The following SPICE1 variants were observed in gnomAD, a reference collection of about 807,000 sequenced individuals.
SPICE1 encodes spindle and centriole associated protein 1.
In SPICE1, 75 loss-of-function variants were observed where a neutral mutation model predicts 102.7. That is an observed-to-expected ratio of 0.73 (90% CI 0.61 to 0.88). The LOEUF (loss-of-function observed/expected upper bound fraction) is 0.88. SPICE1 is among the 40% of genes least tolerant of loss of function. The pLI, the probability that SPICE1 is intolerant of heterozygous loss-of-function variation, is 0.00. For synonymous variants in SPICE1, 308 were observed against 350.3 expected (o/e 0.88, Z 1.35); for missense variants, 979 against 1,020.1 (o/e 0.96, Z 0.55).
At chr3:113,485,823 G>C (rs1936633795) in intron 7 of SPICE1, among the ~76,000 whole-genome samples, 1 of 152,144 alleles carries the variant, frequency 6.6e-6, no homozygotes, top group Non-Finnish European at 1.5e-5. Flanking sequence ...CCATAAAAAG[G>C]AATTAAATCA....
At chr3:113,459,586 T>C (rs1935877775) in intron 12 of SPICE1, 1 of 985,224 alleles carries the variant, frequency 1.0e-6, no homozygotes, top group Non-Finnish European at 1.2e-6. Context: ...TTGACTGAGA[T>C]ATTAATAGCA....
chr3:113,476,354 A>C (rs1368608088), intron 7 of SPICE1, among the ~76,000 whole-genome samples: 1 of 151,464 alleles, frequency 6.6e-6, no homozygotes, highest in Non-Finnish European at 1.5e-5. Flanking sequence ...AAATGGCCAT[A>C]CTGCCCAAGG....
intron 7 of SPICE1, among the ~76,000 whole-genome samples, chr3:113,473,564 A>C (rs1237302193): frequency 4.6e-5 from 7 of 152,326 alleles, no homozygotes; most frequent in South Asian, 2.1e-4. Flanking sequence ...CAAAGGGAAG[A>C]CCATCAGACT....
At chr3:113,467,628 A>C (rs1936091485) in intron 10 of SPICE1, among the ~76,000 whole-genome samples, 1 of 152,166 alleles carries the variant, frequency 6.6e-6, no homozygotes, top group African/African-American at 2.4e-5. Context: ...TTATTTTATA[A>C]ATTATTTTTA....
rs1383888780 is a variant in SPICE1, at chr3:113,453,502, C to T, written c.2106G>A (p.Glu702=). Residue 702 remains glutamate (E), a synonymous_variant, in exon 14 of 18, where the codon GAG becomes GAA. Transcript: ENST00000295872. ...CACTTGCACTTTCTTGTTTGTTCAA[C>T]TCCCGGAGTCCATCCCCTTGCTCTC... is the stretch of plus-strand genomic sequence containing the variant. The part of the protein sequence containing the change: ...PRGEQGDGLR[E]LNKQESASDM... 6.2e-7 allele frequency: 1 copy of T among 1,611,824 alleles called. No homozygotes were observed. Among genetic ancestry groups the T allele is most frequent in the South Asian group, 1.1e-5 (1 of 90,846 alleles).
At chr3:113,446,276 A>T (rs1180432021) in intron 17 of SPICE1, among the ~76,000 whole-genome samples, 1 of 152,154 alleles carries the variant, frequency 6.6e-6, no homozygotes, top group Non-Finnish European at 1.5e-5. Context: ...CAGTAGATCT[A>T]CAACCCATTC....
intron 12 of SPICE1, chr3:113,459,885 A>G: frequency 1.0e-6 from 1 of 983,952 alleles, no homozygotes; most frequent in Non-Finnish European, 1.2e-6. Context: ...CCATCTCAAA[A>G]AGAAAAAAAA....
In SPICE1 at chr3:113,453,598, T is replaced by C. The variant is rs149676908; in HGVS notation, c.2010A>G (p.Thr670=). ...ESLIQRKDIM[T]RIADLTLQNS... ...TCTGCAATGTCAAATCAGCAATTCG[T>C]GTCATTATGTCCTTTCTTTGTATTA... The change falls in exon 14 of 18, where the codon ACA becomes ACG. Residue 670 remains threonine (T), a synonymous_variant. Coordinates refer to ENST00000295872, the MANE Select transcript of SPICE1 (RefSeq NM_144718.4). 2.2e-5 allele frequency: 36 copies of C among 1,614,226 alleles called. No homozygotes were observed. In the African/African-American group the frequency reaches 3.7e-4, roughly 17 times the overall value.
intron 7 of SPICE1, among the ~76,000 whole-genome samples, chr3:113,476,888 G>A (rs1024510790): frequency 6.6e-6 from 1 of 152,066 alleles, no homozygotes; most frequent in Non-Finnish European, 1.5e-5. Flanking sequence ...AGGACTTCAT[G>A]TCTAAAACAC....
intron 12 of SPICE1, chr3:113,460,405 T>G: frequency 1.6e-5 from 15 of 951,894 alleles, no homozygotes; most frequent in Non-Finnish European, 1.9e-5. Context: ...ATGACACGAA[T>G]TGAAATTATG....
chr3:113,459,933 T>A, intron 12 of SPICE1: 1 of 984,650 alleles, frequency 1.0e-6, no homozygotes, highest in Non-Finnish European at 1.2e-6. Flanking sequence ...GACAGAGATG[T>A]GCCCTAGCCA....
intron 7 of SPICE1, among the ~76,000 whole-genome samples, chr3:113,480,854 G>A (rs1415899615): frequency 9.0e-6 from 1 of 111,674 alleles, no homozygotes; most frequent in Non-Finnish European, 1.8e-5. Context: ...TCTGGCCAGG[G>A]TGACAGAGTG....
At chr3:113,494,710 T>C (rs1559973517) in intron 4 of SPICE1, among the ~76,000 whole-genome samples, 1 of 151,270 alleles carries the variant, frequency 6.6e-6, no homozygotes, top group African/African-American at 2.4e-5. Context: ...ATATACAAAA[T>C]AAAAGTTTTA....
rs368417501 is a variant in SPICE1, at chr3:113,465,720, T to A, written c.1220A>T (p.His407Leu). ...TGTCAGAGCATCAATGAGCTCTCGA[T>A]GATCACCTAATACTTGTTCCAGTTG... The part of the protein sequence containing the change: ...RQQLEQVLGD[H>L]RELIDALTAE... The change falls in exon 11 of 18, where the codon CAT becomes CTT. Residue 407 changes from histidine (H) to leucine (L), a missense_variant. His to Leu is a moderately conservative substitution (Grantham distance 99). Coordinates refer to ENST00000295872, the MANE Select transcript of SPICE1 (RefSeq NM_144718.4). 1 of 1,613,804 alleles carries A rather than the reference T, an allele frequency of 6.2e-7. No homozygotes were observed. Among genetic ancestry groups the A allele is most frequent in the Non-Finnish European group, 8.5e-7 (1 of 1,179,862 alleles).
chr3:113,484,101 T>G (rs1220544187), intron 7 of SPICE1, among the ~76,000 whole-genome samples: 3 of 152,244 alleles, frequency 2.0e-5, no homozygotes, highest in Non-Finnish European at 4.4e-5. Flanking sequence ...TGGTTTAGAC[T>G]TGGGAGGGTG....
intron 1 of SPICE1, among the ~76,000 whole-genome samples, chr3:113,509,474 A>G (rs1937177264): frequency 6.6e-6 from 1 of 152,230 alleles, no homozygotes; most frequent in South Asian, 2.1e-4. Flanking sequence ...TATGTATAGT[A>G]TATTCTCAAT....
In SPICE1 at chr3:113,460,695, A is replaced by C. The variant is rs747640683; in HGVS notation, c.1357T>G (p.Cys453Gly). 1 of 1,613,780 alleles carries C rather than the reference A, an allele frequency of 6.2e-7. No homozygotes were observed. The highest frequency in any genetic ancestry group is 1.1e-5 in the South Asian group (1 of 91,018). ...TCTTGTCTGTTATTTATCACAGGAC[A>C]GTTCTTAATAGCATGTGTGAGTGAT... is the stretch of plus-strand genomic sequence containing the variant. Reference protein sequence around the residue: ...LISLTHAIKNCPVINNRQEIQ... With the variant: ...LISLTHAIKNGPVINNRQEIQ... The change falls in exon 12 of 18, where the codon TGT (cysteine) becomes GGT (glycine). Residue 453 changes from cysteine to glycine, a missense_variant. Coordinates refer to ENST00000295872, the MANE Select transcript of SPICE1 (RefSeq NM_144718.4).
At position 113,458,857 on chromosome 3, in the gene SPICE1, G is replaced by A. The variant is rs569944419; in HGVS notation, c.1436-1500C>T. On this transcript the variant is annotated intron_variant, in intron 12 of 17. Coordinates refer to ENST00000295872, the MANE Select transcript of SPICE1 (RefSeq NM_144718.4). ...TGAGAGGTGAAGAGCGCCTCTGCCC[G>A]GCCGCCCCGTCTGGGAAGTGAGGAG... is the stretch of plus-strand genomic sequence containing the variant. 7.3e-5 allele frequency among the ~76,000 whole-genome samples: 11 copies of A among 150,616 alleles called. 1 individual carries two copies. Among genetic ancestry groups the A allele is most frequent in the South Asian group, 6.3e-4 (3 of 4,736 alleles).
At chr3:113,512,397 A>G (rs1937237898) in intron 1 of SPICE1, among the ~76,000 whole-genome samples, 1 of 148,480 alleles carries the variant, frequency 6.7e-6, no homozygotes, top group Non-Finnish European at 1.5e-5. Context: ...TTTGCACTGA[A>G]AAGCTTTCTT....
Sources: allele counts gnomAD v4.1 joint callset (sites outside exome capture counted in the v4.1 genomes callset), GRCh38; gene constraint gnomAD v4.1.1; transcripts MANE v1.5; gene names NCBI Gene and HGNC (gene_info 2026-07-23, HGNC 2026-07-21).